The following MAML3 variants were observed in gnomAD, a reference collection of about 807,000 sequenced individuals.
MAML3 encodes mastermind-like protein 3.
A neutral mutation model predicts 101.9 loss-of-function variants in MAML3; 27 were observed. The observed-to-expected ratio is 0.27, with a 90% CI of 0.20 to 0.37. The LOEUF (loss-of-function observed/expected upper bound fraction) is 0.37. MAML3 is among the 10% of genes least tolerant of loss of function. The pLI is 1.00. For synonymous variants in MAML3, 501 were observed against 555.9 expected (o/e 0.90, Z 1.39); for missense variants, 1,316 against 1,444.9 (o/e 0.91, Z 1.45).
chr4:140,026,673 A>C (rs1726830340), intron 1 of MAML3, among the ~76,000 whole-genome samples: 1 of 152,238 alleles, frequency 6.6e-6, no homozygotes, highest in Admixed American at 6.5e-5. Flanking sequence ...ACACAAAGAC[A>C]GCCACTGATA....
At chr4:139,925,767 T>C (rs953532697) in intron 1 of MAML3, among the ~76,000 whole-genome samples, 4 of 152,226 alleles carry the variant, frequency 2.6e-5, no homozygotes, top group Admixed American at 1.3e-4. Context: ...TCTACTCTTC[T>C]GTACGTTTGA....
intron 2 of MAML3, among the ~76,000 whole-genome samples, chr4:139,824,889 A>C (rs1230826977): frequency 6.7e-6 from 1 of 150,184 alleles, no homozygotes; most frequent in Non-Finnish European, 1.5e-5. Flanking sequence ...CCAGGCCTCT[A>C]TTTTTCAGTT....
At chr4:139,793,481 G>A (rs1013509020) in intron 2 of MAML3, among the ~76,000 whole-genome samples, 4 of 152,048 alleles carry the variant, frequency 2.6e-5, no homozygotes, top group African/African-American at 7.2e-5. Flanking sequence ...CCAAATCTTC[G>A]AATCTCAAGC....
intron 2 of MAML3, among the ~76,000 whole-genome samples, chr4:139,756,028 A>G (rs893188513): frequency 1.3e-5 from 2 of 152,242 alleles, no homozygotes; most frequent in African/African-American, 4.8e-5. Flanking sequence ...AGTTAACTCA[A>G]AAGTTATCTG....
intron 1 of MAML3, among the ~76,000 whole-genome samples, chr4:139,924,285 C>T (rs911631766): frequency 4.6e-5 from 7 of 152,218 alleles, no homozygotes; most frequent in East Asian, 3.9e-4. Context: ...TTGTTAACAG[C>T]GATTCTGAGA....
At chr4:139,746,687 G>A (rs928860874) in intron 2 of MAML3, among the ~76,000 whole-genome samples, 5 of 152,082 alleles carry the variant, frequency 3.3e-5, no homozygotes, top group Admixed American at 2.0e-4. Context: ...CTGGACCTCC[G>A]CAGGCAGCCA....
At position 139,959,697 on chromosome 4, in the gene MAML3, G is replaced by A. The variant is rs113352312; in HGVS notation, c.469-68730C>T. 3.6e-3 allele frequency among the ~76,000 whole-genome samples: 549 copies of A among 152,274 alleles called. 3 individuals carry two copies. The highest frequency in any genetic ancestry group is 0.011 in the African/African-American group (461 of 41,568). ...CTGGGAAAACATTGACGGTATTGAGGAAAGAACTATCTGGGATCATGACTG... is the reference window on the plus strand; with the variant it reads ...CTGGGAAAACATTGACGGTATTGAGAAAAGAACTATCTGGGATCATGACTG... On this transcript the variant is annotated intron_variant, in intron 1 of 4. Coordinates refer to ENST00000509479, the MANE Select transcript of MAML3 (RefSeq NM_018717.5).
At chr4:140,140,341 T>A (rs1009151519) in intron 1 of MAML3, among the ~76,000 whole-genome samples, 1 of 151,846 alleles carries the variant, frequency 6.6e-6, no homozygotes, top group African/African-American at 2.4e-5. Context: ...AAAAAAAAAA[T>A]TAAAATTAAA....
At chr4:139,865,970 G>A (rs977360257) in intron 2 of MAML3, among the ~76,000 whole-genome samples, 3 of 152,222 alleles carry the variant, frequency 2.0e-5, no homozygotes, top group Non-Finnish European at 4.4e-5. Context: ...GCACCTCTAG[G>A]CCCAAAGAAT....
intron 2 of MAML3, among the ~76,000 whole-genome samples, chr4:139,810,216 A>G (rs1730773075): frequency 7.1e-6 from 1 of 140,440 alleles, no homozygotes; most frequent in South Asian, 2.3e-4. Context: ...TTTTAGAGAC[A>G]GGATCTGGCT....
At chr4:139,806,225 C>CA (rs1267921684) in intron 2 of MAML3, among the ~76,000 whole-genome samples, 6 of 151,786 alleles carry the variant, frequency 4.0e-5, no homozygotes, top group Admixed American at 3.3e-4. Context: ...AAAGCTAGGA[C>CA]AAAATATTGG....
rs1417781419 is a variant in MAML3 at position 140,111,402 on chromosome 4, TAG to T, written c.468+41456_468+41457del. On this transcript the variant is annotated intron_variant, in intron 1 of 4. Coordinates refer to ENST00000509479, the MANE Select transcript of MAML3 (RefSeq NM_018717.5). ...ATCATTTTCTACAGGATATCACAGATAGAGATGCGTGCAAACACATGGATGTT... is the reference window on the plus strand; with the variant it reads ...ATCATTTTCTACAGGATATCACAGATAGATGCGTGCAAACACATGGATGTT... Among the ~76,000 whole-genome samples the T allele has an allele frequency of 2.5e-4, 38 of 152,322 alleles. 1 individual carries two copies. Among genetic ancestry groups the T allele is most frequent in the African/African-American group, 8.7e-4 (36 of 41,574 alleles).
intron 2 of MAML3, among the ~76,000 whole-genome samples, chr4:139,863,215 T>C (rs1343923693): frequency 6.6e-6 from 1 of 151,782 alleles, no homozygotes; most frequent in Non-Finnish European, 1.5e-5. Context: ...TGGGAGTTGA[T>C]ATATGTGAAA....
In MAML3 at chr4:139,772,037, A is replaced by T. The variant is rs6835674; in HGVS notation, c.2080-41370T>A. 6.4e-3 allele frequency among the ~76,000 whole-genome samples: 975 copies of T among 151,404 alleles called. 10 individuals are homozygous for T. The highest frequency in any genetic ancestry group is 0.021 in the African/African-American group (888 of 41,312). On this transcript the variant is annotated intron_variant, in intron 2 of 4. Coordinates refer to ENST00000509479, the MANE Select transcript of MAML3 (RefSeq NM_018717.5). Reference sequence around the variant, plus strand: ...GGCGGATCACGAGGTCAGCAGATCCAGACCATCCTGGCTAACACGGTGAAA... The same window carrying T: ...GGCGGATCACGAGGTCAGCAGATCCTGACCATCCTGGCTAACACGGTGAAA...
intron 1 of MAML3, among the ~76,000 whole-genome samples, chr4:140,097,258 C>A (rs1728179453): frequency 1.3e-5 from 2 of 152,206 alleles, no homozygotes; most frequent in African/African-American, 2.4e-5. Flanking sequence ...GCAGGTTCCA[C>A]TTGGGAAATG....
At chr4:140,074,026 G>A (rs1727711776) in intron 1 of MAML3, among the ~76,000 whole-genome samples, 2 of 151,866 alleles carry the variant, frequency 1.3e-5, no homozygotes, top group Admixed American at 6.6e-5. Flanking sequence ...CATCTACTCG[G>A]GAGGCTGAGG....
chr4:140,064,974 A>T (rs1184427326), intron 1 of MAML3, among the ~76,000 whole-genome samples: 2 of 152,198 alleles, frequency 1.3e-5, no homozygotes, highest in Non-Finnish European at 2.9e-5. Flanking sequence ...AGATTCTTTC[A>T]CCCAAATCAC....
intron 1 of MAML3, among the ~76,000 whole-genome samples, chr4:140,106,734 C>T (rs1728358752): frequency 6.6e-6 from 1 of 152,196 alleles, no homozygotes; most frequent in Non-Finnish European, 1.5e-5. Flanking sequence ...TTGTAAAGCA[C>T]TGGCAACCAA....
intron 1 of MAML3, chr4:140,133,966 T>C: frequency 2.8e-6 from 1 of 363,594 alleles, no homozygotes; most frequent in South Asian, 2.1e-5. Flanking sequence ...TATGATCATT[T>C]TTACCCTCAC....
Sources: gnomAD v4.1 joint callset for allele counts (sites outside exome capture counted in the v4.1 genomes callset) on GRCh38, gnomAD v4.1.1 for gene constraint, MANE v1.5 for transcripts, NCBI Gene and HGNC (gene_info 2026-07-23, HGNC 2026-07-21) for gene names.